The following GOLGA1 variants were observed in gnomAD, a reference collection of about 807,000 sequenced individuals.
GOLGA1 encodes golgin subfamily A member 1.
A neutral mutation model predicts 119.7 loss-of-function variants in GOLGA1; 63 were observed. That is an observed-to-expected ratio of 0.53 (90% CI 0.43 to 0.65). The LOEUF is 0.65. Among genes scored for constraint, GOLGA1 ranks in the 30% least tolerant of loss-of-function variants. The pLI, the probability that GOLGA1 is intolerant of heterozygous loss-of-function variation, is 0.00. For synonymous variants in GOLGA1, 318 were observed against 333.4 expected (o/e 0.95, Z 0.50); for missense variants, 798 against 912.8 (o/e 0.87, Z 1.62).
rs1288867286 is a variant in GOLGA1 at position 124,888,030 on chromosome 9, C to T, written c.1905+223G>A. ...GCAGCTGCCCAAGCCTGACACTTGTCCAGTTCTCCAGGGGGTGGGGAGAAG... is the reference window on the plus strand; with the variant it reads ...GCAGCTGCCCAAGCCTGACACTTGTTCAGTTCTCCAGGGGGTGGGGAGAAG... On this transcript the variant is annotated intron_variant, in intron 19 of 22. Transcript: ENST00000373555. This position sits in a 1 kb window ranked among gnomAD's most constrained non-coding sequence, Gnocchi z 4.4. Among the ~76,000 whole-genome samples, 1 of 152,040 alleles carries T rather than the reference C, an allele frequency of 6.6e-6. No individual in the cohort carries two copies. Among genetic ancestry groups the T allele is most frequent in the African/African-American group, 2.4e-5 (1 of 41,382 alleles).
chr9:124,921,716 CAAG>C lies in GOLGA1; in HGVS notation c.731+4_731+6del. 1.2e-6 allele frequency: 2 copies of C among 1,610,740 alleles called. No homozygotes were observed. The highest frequency in any genetic ancestry group is 4.5e-5 in the East Asian group (2 of 44,878). ...CTTCCCAAGGGCCCCACAGACCAAG[CAAG>C]AACCTCTGCTCTTCCAGCGTTGAGT... On this transcript the variant is annotated splice_donor_5th_base_variant and intron_variant, in intron 9 of 22. Transcript: ENST00000373555.
chr9:124,894,820 G>A (rs763488543), intron 15 of GOLGA1, among the ~76,000 whole-genome samples: 1 of 152,172 alleles, frequency 6.6e-6, no homozygotes, highest in Non-Finnish European at 1.5e-5. Flanking sequence ...GTGGGTAGAT[G>A]CTCCTAAGCA....
At chr9:124,882,271 C>T (rs186315581) in intron 20 of GOLGA1, among the ~76,000 whole-genome samples, 7 of 152,352 alleles carry the variant, frequency 4.6e-5, no homozygotes, top group Non-Finnish European at 8.8e-5. Flanking sequence ...ACCCCACTTC[C>T]AGATGAGGAT....
rs192364244 is a variant in GOLGA1, at chr9:124,917,744, C to T, written c.843+3385G>A. On this transcript the variant is annotated intron_variant, in intron 10 of 22. Coordinates refer to ENST00000373555, the MANE Select transcript of GOLGA1 (RefSeq NM_002077.4). ...CCTCAGAGTTTTTGTTCATGCTGTT[C>T]CCTGCTTGAAATTCTCTCCCATCAT... 7.4e-4 allele frequency among the ~76,000 whole-genome samples: 113 copies of T among 152,178 alleles called. 1 individual carries two copies. In the Middle Eastern group the frequency reaches 0.01, roughly 14 times the overall value.
In GOLGA1 at chr9:124,880,520, G is replaced by A. The variant is rs1043852032; in HGVS notation, c.*10C>T. On this transcript the variant is annotated 3_prime_UTR_variant, in exon 23 of 23. Coordinates refer to ENST00000373555, the MANE Select transcript of GOLGA1 (RefSeq NM_002077.4). ...TCAACCCACGGAGCTCCATCCTTGGGTAGTCCCCTCTAGGACCATGGTATC... is the reference window on the plus strand; with the variant it reads ...TCAACCCACGGAGCTCCATCCTTGGATAGTCCCCTCTAGGACCATGGTATC... The A allele has an allele frequency of 3.3e-6, 5 of 1,509,900 alleles. No individual in the cohort carries two copies. In the African/African-American group the frequency reaches 4.1e-5, roughly 12 times the overall value. The allele number at this position is 1,509,900 out of a possible 1,614,324, so 93.5% of individuals were successfully genotyped here. A position where few individuals can be genotyped will look rare whatever the true frequency, so the allele number is the denominator to read the frequency against.
At chr9:124,943,435 G>C (rs980470116), upstream of GOLGA1, 12 of 152,160 alleles carry the variant, frequency 7.9e-5, no homozygotes, top group Admixed American at 7.2e-4. Context: ...CAACCAAATA[G>C]CTTCATTATT....
intron 15 of GOLGA1, among the ~76,000 whole-genome samples, chr9:124,895,628 C>T (rs907362923): frequency 4.7e-5 from 7 of 148,780 alleles, no homozygotes; most frequent in Admixed American, 1.3e-4. Flanking sequence ...CGACAGGGAG[C>T]CTCCACGACA....
At chr9:124,934,677 C>A (rs895032064) in intron 3 of GOLGA1, among the ~76,000 whole-genome samples, 1 of 152,038 alleles carries the variant, frequency 6.6e-6, no homozygotes, top group Non-Finnish European at 1.5e-5. Flanking sequence ...TGTACTTCAT[C>A]CTGAAAATAA....
chr9:124,882,730 C>T (rs1829619685), intron 19 of GOLGA1, among the ~76,000 whole-genome samples, 161 bp from the exon 20 acceptor site: 1 of 152,192 alleles, frequency 6.6e-6, no homozygotes, highest in African/African-American at 2.4e-5. Context: ...CATGCTTGTG[C>T]CTACGACTGT....
intron 11 of GOLGA1, among the ~76,000 whole-genome samples, chr9:124,910,488 T>G (rs978245362): frequency 2.6e-5 from 4 of 152,252 alleles, no homozygotes; most frequent in African/African-American, 9.6e-5. Context: ...GAGACCCTAC[T>G]CTGTTCCGGT....
At chr9:124,916,783 G>A (rs1830453993) in intron 10 of GOLGA1, among the ~76,000 whole-genome samples, 1 of 149,648 alleles carries the variant, frequency 6.7e-6, no homozygotes. Context: ...GGCTGAAGTA[G>A]GAGGATCACT....
chr9:124,912,129 G>A, intron 10 of GOLGA1, 103 bp from the exon 11 acceptor site: 2 of 971,804 alleles, frequency 2.1e-6, no homozygotes, highest in Non-Finnish European at 3.1e-6. Context: ...GTCCTCAACT[G>A]TATCCTAGAA....
Position 124,900,530 on chromosome 9 carries a change from C to T in GOLGA1, c.1083G>A (p.Gln361=), listed in dbSNP as rs1271473517. The change falls in exon 13 of 23, where the codon CAG becomes CAA. Residue 361 remains glutamine (Q), a synonymous_variant. Transcript: ENST00000373555. ...TLETRVRELE[Q]TLQASEEQLQ... ...GCTGCTCCTCAGAGGCCTGCAAGGTCTGCTCCAGTTCTCTCACCTGAGAGG... is the reference window on the plus strand; with the variant it reads ...GCTGCTCCTCAGAGGCCTGCAAGGTTTGCTCCAGTTCTCTCACCTGAGAGG... 2.5e-6 allele frequency: 4 copies of T among 1,581,342 alleles called. No homozygotes were observed. The highest frequency in any genetic ancestry group is 3.5e-6 in the Non-Finnish European group (4 of 1,150,656).
At chr9:124,898,792 G>A in intron 14 of GOLGA1, 148 bp from the exon 15 acceptor site, 1 of 589,714 alleles carries the variant, frequency 1.7e-6, no homozygotes, top group Non-Finnish European at 3.0e-6. Context: ...TGGTCAGAAA[G>A]TAGGAAGTCT....
chr9:124,882,160 A>G (rs1829601817), intron 20 of GOLGA1, among the ~76,000 whole-genome samples: 1 of 152,190 alleles, frequency 6.6e-6, no homozygotes, highest in African/African-American at 2.4e-5. Flanking sequence ...TGGCAAGAAC[A>G]CATGTCCCTG....
chr9:124,917,737 T>G (rs189265454), intron 10 of GOLGA1, among the ~76,000 whole-genome samples: 31 of 152,320 alleles, frequency 2.0e-4, no homozygotes, highest in African/African-American at 7.2e-4. Context: ...TTTTTGTTCA[T>G]GCTGTTCCCT....
chr9:124,880,656 G>A lies in GOLGA1; in HGVS notation c.2224-46C>T, dbSNP rs372737229. The A allele has an allele frequency of 3.2e-6, 4 of 1,235,658 alleles. No individual in the cohort carries two copies. The African/African-American group carries it at 4.4e-5, about 14-fold the overall frequency. The allele number at this position is 1,235,658 out of a possible 1,614,324, so 76.5% of individuals were successfully genotyped here. A position where few individuals can be genotyped will look rare whatever the true frequency, so the allele number is the denominator to read the frequency against. On this transcript the variant is annotated intron_variant, in intron 22 of 22. Coordinates refer to ENST00000373555, the MANE Select transcript of GOLGA1 (RefSeq NM_002077.4). ...GCTTCTGAGATGCAAATCAGGACTT[G>A]GTGCCAGGGAAACTGAACCGCCCCT...
intron 19 of GOLGA1, among the ~76,000 whole-genome samples, chr9:124,886,911 G>C (rs558237832): frequency 6.6e-6 from 1 of 152,172 alleles, no homozygotes; most frequent in African/African-American, 2.4e-5. Flanking sequence ...GGGTTGCGGG[G>C]AACACTGGGC....
At chr9:124,917,073 T>A (rs1215509936) in intron 10 of GOLGA1, among the ~76,000 whole-genome samples, 1 of 151,966 alleles carries the variant, frequency 6.6e-6, no homozygotes, top group Admixed American at 6.6e-5. Flanking sequence ...ACCTACAGAA[T>A]GATTTATATA....
Sources: allele counts gnomAD v4.1 joint callset (sites outside exome capture counted in the v4.1 genomes callset), GRCh38; gene constraint gnomAD v4.1.1; non-coding constraint Gnocchi (gnomAD v3.1); transcripts MANE v1.5; gene names NCBI Gene and HGNC (gene_info 2026-07-23, HGNC 2026-07-21).